The following DOCK4 variants were observed in gnomAD, a reference collection of about 807,000 sequenced individuals.
DOCK4 encodes dedicator of cytokinesis protein 4.
A neutral mutation model predicts 268.1 loss-of-function variants in DOCK4; 97 were observed. The ratio of observed to expected loss-of-function variants is 0.36; its 90% CI spans 0.31 to 0.43. The LOEUF is 0.43. Among genes scored for constraint, DOCK4 ranks in the 20% least tolerant of loss-of-function variants. The pLI is 1.00. For missense variants in DOCK4, 2,145 were observed against 2,455.7 expected (o/e 0.87, Z 2.67); for synonymous variants, 954 against 887.2 (o/e 1.08, Z -1.34).
intron 47 of DOCK4, chr7:111,739,891 T>C (rs1795784745): frequency 1.6e-5 from 5 of 303,468 alleles, no homozygotes; most frequent in South Asian, 1.1e-4. Flanking sequence ...TTTCCAAAGA[T>C]AGTGGTGAGG....
At chr7:111,970,200 A>G (rs923138586) in intron 8 of DOCK4, among the ~76,000 whole-genome samples, 2 of 152,190 alleles carry the variant, frequency 1.3e-5, no homozygotes, top group African/African-American at 4.8e-5. Flanking sequence ...TCTTATAGAT[A>G]CTGTACATGA....
intron 1 of DOCK4, among the ~76,000 whole-genome samples, chr7:112,106,774 G>A (rs1002909877): frequency 6.6e-6 from 1 of 152,096 alleles, no homozygotes; most frequent in Admixed American, 6.6e-5. Flanking sequence ...GGATTTAGGA[G>A]GTGGACATGT....
chr7:111,989,395 A>T (rs917856530), intron 5 of DOCK4, among the ~76,000 whole-genome samples: 7 of 152,174 alleles, frequency 4.6e-5, no homozygotes, highest in Non-Finnish European at 7.4e-5. Flanking sequence ...CAGAAATGCA[A>T]CTTTACTTCT....
At chr7:112,068,383 A>C (rs141922815) in intron 1 of DOCK4, among the ~76,000 whole-genome samples, 165 of 152,306 alleles carry the variant, frequency 1.1e-3, no homozygotes, top group African/African-American at 3.5e-3. Context: ...TACTATGATT[A>C]AGAGCACACT....
intron 22 of DOCK4, among the ~76,000 whole-genome samples, chr7:111,865,176 A>T (rs1805868557): frequency 6.6e-6 from 1 of 152,206 alleles, no homozygotes; most frequent in Non-Finnish European, 1.5e-5. Flanking sequence ...TTCTTCTTTT[A>T]GGGATCATGG....
rs1795584229 is a variant in DOCK4, at chr7:111,737,434, G to A, written c.5233-445C>T. On this transcript the variant is annotated intron_variant, in intron 49 of 52. Transcript: ENST00000428084. ...ATGAGCCACCACACCTGGCCTGTGT[G>A]GAGTTCTTTGTAAATACAAATGCTA... Among the ~76,000 whole-genome samples, 3 of 151,976 alleles carry A rather than the reference G, an allele frequency of 2.0e-5. No homozygotes were observed. The South Asian group carries it at 6.2e-4, about 32-fold the overall frequency.
chr7:112,165,626 C>A (rs1817550686), intron 1 of DOCK4, among the ~76,000 whole-genome samples: 1 of 146,794 alleles, frequency 6.8e-6, no homozygotes. Flanking sequence ...TATTTATTTC[C>A]CTGGGTTACA....
chr7:111,985,601 T>C (rs1798991257), intron 6 of DOCK4, among the ~76,000 whole-genome samples: 1 of 152,214 alleles, frequency 6.6e-6, no homozygotes, highest in Non-Finnish European at 1.5e-5. Flanking sequence ...GGCTATTTGT[T>C]CTTAAGAAGA....
At chr7:111,866,055 C>A (rs1191832496) in intron 22 of DOCK4, among the ~76,000 whole-genome samples, 2 of 152,196 alleles carry the variant, frequency 1.3e-5, no homozygotes, top group African/African-American at 4.8e-5. Flanking sequence ...ACCAAGCCTG[C>A]CTGGAATTCT....
At chr7:112,000,363 A>T (rs1409037305) in intron 3 of DOCK4, 131 bp downstream of exon 3, 1 of 568,436 alleles carries the variant, frequency 1.8e-6, no homozygotes, top group African/African-American at 1.9e-5. Flanking sequence ...TTCCAAAATT[A>T]TAAAAATTTG....
intron 1 of DOCK4, among the ~76,000 whole-genome samples, chr7:112,005,574 A>T (rs1800788183): frequency 6.6e-6 from 1 of 152,228 alleles, no homozygotes; most frequent in African/African-American, 2.4e-5. Context: ...AGATTACTTC[A>T]TTTAACTTTC....
chr7:112,028,105 G>A (rs1231051051), intron 1 of DOCK4, among the ~76,000 whole-genome samples: 1 of 152,150 alleles, frequency 6.6e-6, no homozygotes, highest in African/African-American at 2.4e-5. Flanking sequence ...GAAAGGAACA[G>A]CAAGCCATCT....
intron 42 of DOCK4, among the ~76,000 whole-genome samples, chr7:111,751,177 T>C (rs1270322038): frequency 3.3e-5 from 5 of 152,188 alleles, no homozygotes; most frequent in African/African-American, 1.2e-4. Flanking sequence ...GCAAACATTT[T>C]ATCAAGTCTC....
Position 112,199,950 on chromosome 7 carries a change from A to G in DOCK4, c.37+6152T>C, listed in dbSNP as rs531963502. 1.4e-4 allele frequency among the ~76,000 whole-genome samples: 21 copies of G among 152,258 alleles called. 1 individual carries two copies. In the South Asian group the frequency reaches 4.1e-3, roughly 30 times the overall value. On this transcript the variant is annotated intron_variant, in intron 1 of 52. Coordinates refer to ENST00000428084, the MANE Select transcript of DOCK4 (RefSeq NM_001363540.2). ...TTCCATCTTTAATAAGAAATACTAC[A>G]GAAGACAGACTTTGACTTAGACTGA...
At chr7:111,987,597 G>A (rs1197087543) in intron 6 of DOCK4, among the ~76,000 whole-genome samples, 4 of 152,212 alleles carry the variant, frequency 2.6e-5, no homozygotes, top group South Asian at 2.1e-4. Context: ...TCCCACGGCA[G>A]GATAGGAAGT....
intron 1 of DOCK4, among the ~76,000 whole-genome samples, chr7:112,123,891 C>T (rs143476388): frequency 2.1e-3 from 322 of 152,246 alleles, no homozygotes; most frequent in African/African-American, 6.7e-3. Flanking sequence ...AGGGATCTAA[C>T]TAGAAGTAAC....
At chr7:111,747,056 T>G (rs12705798) in intron 43 of DOCK4, among the ~76,000 whole-genome samples, 90,344 of 151,870 alleles carry the variant, frequency 0.59, 27,523 homozygotes, top group Non-Finnish European at 0.66. Flanking sequence ...ACACACACAT[T>G]TTTATTATCC....
At chr7:111,825,698 T>G (rs1288439606) in intron 26 of DOCK4, among the ~76,000 whole-genome samples, 1 of 152,170 alleles carries the variant, frequency 6.6e-6, no homozygotes, top group African/African-American at 2.4e-5. Flanking sequence ...TTATTTAACA[T>G]GGTTAAACTG....
intron 1 of DOCK4, among the ~76,000 whole-genome samples, chr7:112,203,384 A>T (rs1156933094): frequency 1.3e-5 from 2 of 152,218 alleles, no homozygotes; most frequent in Admixed American, 1.3e-4. Flanking sequence ...CGGTGCCTAT[A>T]CATCAGTTAC....
Sources: gnomAD v4.1 joint callset for allele counts (sites outside exome capture counted in the v4.1 genomes callset) on GRCh38, gnomAD v4.1.1 for gene constraint, MANE v1.5 for transcripts, NCBI Gene and HGNC (gene_info 2026-07-23, HGNC 2026-07-21) for gene names.